The following CLMP variants were observed in gnomAD, a reference collection of about 807,000 sequenced individuals.
The protein encoded by CLMP is CXADR-like membrane protein.
A neutral mutation model predicts 45.2 loss-of-function variants in CLMP; 27 were observed. The ratio of observed to expected loss-of-function variants is 0.60; its 90% CI spans 0.44 to 0.82. The LOEUF (loss-of-function observed/expected upper bound fraction) is 0.82. Among genes scored for constraint, CLMP ranks in the 40% least tolerant of loss-of-function variants. The probability of loss-of-function intolerance (pLI) is 0.00; values close to 1 mark genes in which losing one functional copy is unlikely to be tolerated. For synonymous variants in CLMP, 167 were observed against 171.4 expected (o/e 0.97, Z 0.20); for missense variants, 403 against 448.4 (o/e 0.90, Z 0.91).
At position 123,187,116 on chromosome 11, in the gene CLMP, A is replaced by G. The variant is rs1343375800; in HGVS notation, c.28+7797T>C. 3.3e-5 allele frequency among the ~76,000 whole-genome samples: 5 copies of G among 152,204 alleles called. No individual in the cohort carries two copies. In the East Asian group the frequency reaches 5.8e-4, roughly 18 times the overall value. On this transcript the variant is annotated intron_variant, in intron 1 of 6. Coordinates refer to ENST00000448775, the MANE Select transcript of CLMP (RefSeq NM_024769.5). ...ATTTTCACAAAAAAACCTCTATGAC[A>G]TTGTTACTAGATGCAGTGGCTGATG...
intron 1 of CLMP, among the ~76,000 whole-genome samples, chr11:123,166,856 C>T (rs1453089556): frequency 6.6e-6 from 1 of 152,070 alleles, no homozygotes; most frequent in South Asian, 2.1e-4. Flanking sequence ...TTGATCGTTA[C>T]GTATCATATA....
chr11:123,135,116 C>T (rs985604142), intron 1 of CLMP, among the ~76,000 whole-genome samples: 7 of 151,920 alleles, frequency 4.6e-5, no homozygotes, highest in Admixed American at 3.3e-4. Context: ...AAAAATTAGC[C>T]AGACATGGTG....
chr11:123,090,172 A>G (rs1385228433), intron 2 of CLMP, among the ~76,000 whole-genome samples: 1 of 151,676 alleles, frequency 6.6e-6, no homozygotes, highest in African/African-American at 2.4e-5. Context: ...TAGGCTGGGC[A>G]TGGTGGCTTA....
Position 123,084,727 on chromosome 11 carries a change from C to T in CLMP, c.187-14G>A, listed in dbSNP as rs1001764516. The T allele has an allele frequency of 4.3e-6, 7 of 1,611,410 alleles. No individual in the cohort carries two copies. The African/African-American group carries it at 5.3e-5, about 12-fold the overall frequency. ...GTAAGTGATCACCTGTGGGATAGAC[C>T]GAGGCAGAGTCAAGCAGCGTAACTC... On this transcript the variant is annotated splice_polypyrimidine_tract_variant and intron_variant, in intron 2 of 6. Coordinates refer to ENST00000448775, the MANE Select transcript of CLMP (RefSeq NM_024769.5).
At chr11:123,088,728 C>T (rs1865893429) in intron 2 of CLMP, among the ~76,000 whole-genome samples, 1 of 152,118 alleles carries the variant, frequency 6.6e-6, no homozygotes, top group East Asian at 1.9e-4. Context: ...TGGGTTCAAG[C>T]GATTCTCCTG....
intron 1 of CLMP, among the ~76,000 whole-genome samples, chr11:123,161,666 T>C (rs772275895): frequency 6.6e-6 from 1 of 152,044 alleles, no homozygotes; most frequent in Non-Finnish European, 1.5e-5. Context: ...CGGAACAAGA[T>C]TCTGTCTCAA....
rs1166936014 is a variant in CLMP at position 123,137,217 on chromosome 11, G to A, written c.29-39265C>T. Among the ~76,000 whole-genome samples, 28 of 133,974 alleles carry A rather than the reference G, an allele frequency of 2.1e-4. 1 individual carries two copies. In the East Asian group the frequency reaches 6.0e-3, roughly 29 times the overall value. The allele number at this position is 133,974 out of a possible 152,430, so 87.9% of individuals were successfully genotyped here. A position where few individuals can be genotyped will look rare whatever the true frequency, so the allele number is the denominator to read the frequency against. On this transcript the variant is annotated intron_variant, in intron 1 of 6. Coordinates refer to ENST00000448775, the MANE Select transcript of CLMP (RefSeq NM_024769.5). ...CGCCCAGGCTGGAGTGCAGTGGCGCGATCTCGGCTCACTGCAAGCTCCGCC... is the reference window on the plus strand; with the variant it reads ...CGCCCAGGCTGGAGTGCAGTGGCGCAATCTCGGCTCACTGCAAGCTCCGCC...
chr11:123,161,776 G>A (rs556917798), intron 1 of CLMP, among the ~76,000 whole-genome samples: 1 of 152,322 alleles, frequency 6.6e-6, no homozygotes, highest in East Asian at 1.9e-4. Flanking sequence ...AGTAGTTTTT[G>A]GACGAGCATC....
chr11:123,174,070 G>A (rs11607787), intron 1 of CLMP, among the ~76,000 whole-genome samples: 10,408 of 151,986 alleles, frequency 0.068, 1,138 homozygotes, highest in African/African-American at 0.23. Context: ...GCAACAGGTG[G>A]GACCCTGTTT....
intron 3 of CLMP, among the ~76,000 whole-genome samples, chr11:123,084,201 T>C (rs1442845621): frequency 1.3e-5 from 2 of 152,194 alleles, no homozygotes; most frequent in African/African-American, 2.4e-5. Context: ...ACTTGGTAGC[T>C]CTTGCTGTCA....
intron 2 of CLMP, among the ~76,000 whole-genome samples, chr11:123,088,159 C>T (rs1263817407): frequency 2.0e-5 from 3 of 152,122 alleles, no homozygotes; most frequent in Non-Finnish European, 4.4e-5. Context: ...ATCTGCCCGC[C>T]TCGGCCTCCC....
chr11:123,092,301 CT>C (rs35001693), intron 2 of CLMP, among the ~76,000 whole-genome samples: 2 of 148,898 alleles, frequency 1.3e-5, no homozygotes, highest in African/African-American at 5.0e-5. Context: ...AAGACACACA[CT>C]TTTTTTTCTT....
chr11:123,123,689 G>A (rs1860851416), intron 1 of CLMP, among the ~76,000 whole-genome samples: 1 of 152,178 alleles, frequency 6.6e-6, no homozygotes, highest in African/African-American at 2.4e-5. Flanking sequence ...ATTATGTACA[G>A]CATTGTACAG....
intron 1 of CLMP, among the ~76,000 whole-genome samples, chr11:123,141,536 C>T (rs956440501): frequency 3.9e-5 from 6 of 152,074 alleles, no homozygotes; most frequent in Non-Finnish European, 8.8e-5. Flanking sequence ...TTCCTCCTTC[C>T]TTGTGCTGTG....
intron 1 of CLMP, among the ~76,000 whole-genome samples, chr11:123,178,085 G>A (rs1388386785): frequency 3.9e-5 from 6 of 151,942 alleles, no homozygotes; most frequent in African/African-American, 1.2e-4. Flanking sequence ...GGCTGGTCTC[G>A]AACTCCTGAC....
At chr11:123,140,574 G>A (rs1861139752) in intron 1 of CLMP, among the ~76,000 whole-genome samples, 3 of 151,788 alleles carry the variant, frequency 2.0e-5, no homozygotes, top group Admixed American at 6.6e-5. Flanking sequence ...CTCTACCCCC[G>A]AACCCTCACA....
intron 1 of CLMP, 33 bp from the exon 2 acceptor site, chr11:123,097,985 G>A: frequency 6.8e-7 from 1 of 1,476,104 alleles, no homozygotes. Flanking sequence ...GAGTAATGCA[G>A]AGACTGGATG....
intron 2 of CLMP, among the ~76,000 whole-genome samples, chr11:123,089,850 A>C (rs556504924): frequency 6.6e-6 from 1 of 151,836 alleles, no homozygotes; most frequent in South Asian, 2.1e-4. Flanking sequence ...CTGTAATCTC[A>C]GCATTTTGGG....
chr11:123,160,272 T>G (rs569247912), intron 1 of CLMP, among the ~76,000 whole-genome samples: 108 of 91,356 alleles, frequency 1.2e-3, no homozygotes, highest in Non-Finnish European at 1.7e-3. Flanking sequence ...AGAGCGAGAC[T>G]CTGTCTCAAA....
Sources: allele counts gnomAD v4.1 joint callset (sites outside exome capture counted in the v4.1 genomes callset), GRCh38; gene constraint gnomAD v4.1.1; transcripts MANE v1.5; gene names NCBI Gene and HGNC (gene_info 2026-07-23, HGNC 2026-07-21).